DBI: variants seen among roughly 807,000 people sequenced by gnomAD.
DBI encodes the protein acyl-CoA-binding protein.
A neutral mutation model predicts 13.0 loss-of-function variants in DBI; 12 were observed. The observed-to-expected ratio is 0.92, with a 90% CI of 0.59 to 1.49. The LOEUF is 1.49. Ranked by LOEUF, DBI falls within the 40% of genes most tolerant of loss-of-function variation. The pLI is 0.00. For missense variants in DBI, 95 were observed against 104.8 expected, an observed-to-expected ratio of 0.91 and a Z score of 0.41; for synonymous variants, 37 against 37.4, an observed-to-expected ratio of 0.99 and a Z score of 0.04.
At chr2:119,368,457 G>C (rs1681253580) in intron 2 of DBI, 152 bp downstream of exon 2, 1 of 650,846 alleles carries the variant, frequency 1.5e-6, no homozygotes, top group Non-Finnish European at 2.7e-6. Flanking sequence ...AAAAGACCAT[G>C]TTCCGGATTC....
At position 119,367,012 on chromosome 2, in the gene DBI, T is replaced by A. The variant is rs756913547; in HGVS notation, c.-40T>A. The A allele has an allele frequency of 1.7e-5, 28 of 1,613,664 alleles. No homozygotes were observed. The highest frequency in any genetic ancestry group is 1.3e-5 in the African/African-American group (1 of 74,936). On this transcript the variant is annotated 5_prime_UTR_variant, in exon 1 of 4. Coordinates refer to ENST00000355857, the MANE Select transcript of DBI (RefSeq NM_001079862.4). Reference sequence around the variant, plus strand: ...GGGCGATCGCTTCCTGGTCCTCGCCTCCTCCGCTGTCTCCCTGGAGTTCTT... The same window carrying A: ...GGGCGATCGCTTCCTGGTCCTCGCCACCTCCGCTGTCTCCCTGGAGTTCTT...
At position 119,372,350 on chromosome 2, in the gene DBI, T is replaced by C; in HGVS notation, c.*32T>C. 3 of 1,507,966 alleles carry C rather than the reference T, an allele frequency of 2.0e-6. No individual in the cohort carries two copies. The highest frequency in any genetic ancestry group is 2.8e-6 in the Non-Finnish European group (3 of 1,083,728). 93.4% of individuals were successfully genotyped at this position (1,507,966 alleles called of 1,614,324 possible). On this transcript the variant is annotated 3_prime_UTR_variant, in exon 4 of 4. Transcript: ENST00000355857. Reference sequence around the variant, plus strand: ...GGATTTGGTTACTGTGCCATGTGTTTATCCTAAACTGAGACAATGCCTTGT... The same window carrying C: ...GGATTTGGTTACTGTGCCATGTGTTCATCCTAAACTGAGACAATGCCTTGT...
intron 2 of DBI, among the ~76,000 whole-genome samples, chr2:119,369,321 A>T (rs181789531): frequency 2.0e-5 from 3 of 152,054 alleles, no homozygotes; most frequent in African/African-American, 7.2e-5. Context: ...AGAGTTACCG[A>T]TTTTCACATG....
At chr2:119,369,669 C>T (rs1478476944) in intron 2 of DBI, among the ~76,000 whole-genome samples, 3 of 152,154 alleles carry the variant, frequency 2.0e-5, no homozygotes, top group Non-Finnish European at 1.5e-5. Context: ...GCCTGTAGTC[C>T]CAGCTACTTG....
intron 1 of DBI, chr2:119,367,859 G>A (rs1040922963): frequency 1.6e-5 from 26 of 1,613,850 alleles, no homozygotes; most frequent in Non-Finnish European, 1.9e-5. Flanking sequence ...TCCCGCAGAG[G>A]GGACCCCCAC....
chr2:119,366,981 C>G lies in DBI; in HGVS notation c.-71C>G. On this transcript the variant is annotated 5_prime_UTR_variant, in exon 1 of 4. Transcript: ENST00000355857. ...GCGCCTCTAAAGGCGCTTGCCAGTG[C>G]AATCTGGGCGATCGCTTCCTGGTCC... 6.2e-7 allele frequency: 1 copy of G among 1,603,208 alleles called. No homozygotes were observed. The highest frequency in any genetic ancestry group is 8.5e-7 in the Non-Finnish European group (1 of 1,171,272).
At position 119,370,799 on chromosome 2, in the gene DBI, A is replaced by G; in HGVS notation, c.187A>G (p.Lys63Glu). The G allele has an allele frequency of 6.2e-7, 1 of 1,613,526 alleles. No homozygotes were observed. The highest frequency in any genetic ancestry group is 8.5e-7 in the Non-Finnish European group (1 of 1,179,584). ...KAKWDAWNEL[K>E]GTSKEDAMKA... is the part of the protein sequence containing the mutation. ...CAAGTGGGATGCCTGGAATGAGCTG[A>G]AAGGTAATTGTTCTAATCAATTTCT... The change falls in exon 3 of 4, where the codon AAA becomes GAA. Residue 63 changes from lysine (K) to glutamate (E), a missense_variant. Physicochemically the swap from Lys to Glu is moderately conservative, Grantham distance 56. Coordinates refer to ENST00000355857, the MANE Select transcript of DBI (RefSeq NM_001079862.4).
At chr2:119,367,471 G>T in intron 1 of DBI, 1 of 1,590,914 alleles carries the variant, frequency 6.3e-7, no homozygotes, top group South Asian at 1.1e-5. Flanking sequence ...GAGGTCAGGG[G>T]AAGTACGGGG....
chr2:119,367,182 C>A, intron 1 of DBI, 122 bp downstream of exon 1: 1 of 1,514,566 alleles, frequency 6.6e-7, no homozygotes, highest in South Asian at 1.3e-5. Context: ...CTCATGGGCC[C>A]ATGCCTAGCC....
In DBI at chr2:119,372,437, AG is replaced by A; in HGVS notation, c.*121del. 2 of 742,422 alleles carry A rather than the reference AG, an allele frequency of 2.7e-6. No individual in the cohort carries two copies. Among genetic ancestry groups the A allele is most frequent in the Non-Finnish European group, 2.3e-6 (1 of 427,670 alleles). The allele number at this position is 742,422 out of a possible 1,614,324, so 46.0% of individuals were successfully genotyped here. On this transcript the variant is annotated 3_prime_UTR_variant, in exon 4 of 4. Coordinates refer to ENST00000355857, the MANE Select transcript of DBI (RefSeq NM_001079862.4). Reference sequence around the variant, plus strand: ...AATAACCAGTTAAACCAGCTACTCAAGGCTGCTCACCATACGGCTCTAACAG... The same window carrying A: ...AATAACCAGTTAAACCAGCTACTCAAGCTGCTCACCATACGGCTCTAACAG...
At chr2:119,368,371 G>GT in intron 2 of DBI, 66 bp downstream of exon 2, 1 of 1,202,158 alleles carries the variant, frequency 8.3e-7, no homozygotes, top group Non-Finnish European at 1.2e-6. Context: ...CAGACTGGAA[G>GT]TCCCTGGGAA....
Position 119,370,783 on chromosome 2 carries a change from T to A in DBI, c.171T>A (p.Asp57Glu). Residue 57 changes from aspartate to glutamate, a missense_variant, in exon 3 of 4, where the codon GAT becomes GAA. Transcript: ENST00000355857. ...MLDFTGKAKW[D>E]AWNELKGTSK... ...ACTTCACGGGCAAGGCCAAGTGGGA[T>A]GCCTGGAATGAGCTGAAAGGTAATT... 6.2e-7 allele frequency: 1 copy of A among 1,614,100 alleles called. No individual in the cohort carries two copies. The highest frequency in any genetic ancestry group is 8.5e-7 in the Non-Finnish European group (1 of 1,179,972).
intron 1 of DBI, 86 bp downstream of exon 1, chr2:119,367,146 C>T: frequency 6.3e-7 from 1 of 1,584,518 alleles, no homozygotes. Flanking sequence ...AGCTCTCGGG[C>T]TCTTTCCTTC....
chr2:119,372,117 G>T, intron 3 of DBI, 128 bp from the exon 4 acceptor site: 1 of 685,768 alleles, frequency 1.5e-6, no homozygotes, highest in Non-Finnish European at 2.6e-6. Flanking sequence ...GTAATTAGTA[G>T]AATCTCAACT....
At chr2:119,367,759 C>T (rs1681152975) in intron 1 of DBI, 3 of 1,607,740 alleles carry the variant, frequency 1.9e-6, no homozygotes, top group Non-Finnish European at 8.5e-7. Flanking sequence ...TACTGTGCCC[C>T]GTCTGTCCTC....
rs748635016 is a variant in DBI, at chr2:119,367,629, G to A, written c.10-559G>A. 3.7e-6 allele frequency: 6 copies of A among 1,613,996 alleles called. No individual in the cohort carries two copies. In the African/African-American group the frequency reaches 4.0e-5, roughly 11 times the overall value. On this transcript the variant is annotated intron_variant, in intron 1 of 3. Coordinates refer to ENST00000355857, the MANE Select transcript of DBI (RefSeq NM_001079862.4). ...TCCTCCCGCCTGCCTCTGCCAATCCGGGCACTGGGACAGAGGTCGGTGTTG... is the reference window on the plus strand; with the variant it reads ...TCCTCCCGCCTGCCTCTGCCAATCCAGGCACTGGGACAGAGGTCGGTGTTG...
At position 119,372,366 on chromosome 2, in the gene DBI, A is replaced by G; in HGVS notation, c.*48A>G. On this transcript the variant is annotated 3_prime_UTR_variant, in exon 4 of 4. Coordinates refer to ENST00000355857, the MANE Select transcript of DBI (RefSeq NM_001079862.4). ...CCATGTGTTTATCCTAAACTGAGAC[A>G]ATGCCTTGTTTTTTTCTAATACCGT... 1 of 1,432,404 alleles carries G rather than the reference A, an allele frequency of 7.0e-7. No individual in the cohort carries two copies. The highest frequency in any genetic ancestry group is 2.3e-5 in the East Asian group (1 of 43,916). 88.7% of individuals were successfully genotyped at this position (1,432,404 alleles called of 1,614,324 possible).
At chr2:119,371,566 G>A (rs1296898972) in intron 3 of DBI, among the ~76,000 whole-genome samples, 1 of 152,200 alleles carries the variant, frequency 6.6e-6, no homozygotes, top group Non-Finnish European at 1.5e-5. Context: ...CAGGCCCCAT[G>A]TACTCTCCAG....
intron 1 of DBI, chr2:119,367,711 G>A: frequency 6.2e-7 from 1 of 1,611,086 alleles, no homozygotes; most frequent in South Asian, 1.1e-5. Context: ...CTGACACCGC[G>A]GCACTCATGC....
Sources: gnomAD v4.1 joint callset for allele counts (sites outside exome capture counted in the v4.1 genomes callset) on GRCh38, gnomAD v4.1.1 for gene constraint, MANE v1.5 for transcripts, NCBI Gene and HGNC (gene_info 2026-07-23, HGNC 2026-07-21) for gene names.